Variants in QKI observed in about 807,000 individuals in gnomAD.
QKI encodes the protein QKI, KH domain containing RNA binding.
A neutral mutation model predicts 39.0 loss-of-function variants in QKI; 10 were observed. The ratio of observed to expected loss-of-function variants is 0.26; its 90% CI spans 0.16 to 0.43. The LOEUF (loss-of-function observed/expected upper bound fraction) is 0.43. Ranked by LOEUF, QKI falls within the 20% of genes least tolerant of loss-of-function variation. The pLI, the probability that QKI is intolerant of heterozygous loss-of-function variation, is 1.00. For synonymous variants in QKI, 204 were observed against 155.4 expected (o/e 1.31, Z -2.33); for missense variants, 218 against 428.0 (o/e 0.51, Z 4.33).
chr6:163,569,410 CTT>C, intron 7 of QKI: 1 of 1,265,984 alleles, frequency 7.9e-7, no homozygotes, highest in Non-Finnish European at 1.0e-6. Context: ...CACTGAATAT[CTT>C]TTCATTCACA....
At chr6:163,523,320 G>A (rs895592257) in intron 3 of QKI, among the ~76,000 whole-genome samples, 10 of 152,150 alleles carry the variant, frequency 6.6e-5, no homozygotes, top group South Asian at 2.1e-4. Flanking sequence ...TGGAATGCAC[G>A]AGAAAGCACC....
chr6:163,470,522 GAC>G (rs1452128399), intron 2 of QKI, among the ~76,000 whole-genome samples: 2 of 151,970 alleles, frequency 1.3e-5, no homozygotes, highest in Non-Finnish European at 2.9e-5. Flanking sequence ...TGTATTGTCT[GAC>G]ACACACTAGA....
At chr6:163,569,803 G>A in intron 7 of QKI, 1 of 985,146 alleles carries the variant, frequency 1.0e-6, no homozygotes, top group Non-Finnish European at 1.2e-6. Context: ...ATTGAATAAA[G>A]AAAGCTGTTT....
intron 1 of QKI, among the ~76,000 whole-genome samples, chr6:163,432,392 C>CA (rs1562426792): frequency 6.8e-6 from 1 of 146,708 alleles, no homozygotes; most frequent in Non-Finnish European, 1.5e-5. Context: ...ATTTAAAATC[C>CA]CCCCCCTTTT....
In QKI at chr6:163,572,962, GAATA is replaced by G. The variant is rs1175561046; in HGVS notation, c.*2256_*2259del. ...TGATTTTTATATTGTTTGGTTGGTT[GAATA>G]AATTTGCGACACTCAAACACTTGAG... is the stretch of plus-strand genomic sequence containing the variant. On this transcript the variant is annotated 3_prime_UTR_variant, in exon 8 of 8. Coordinates refer to ENST00000361752, the MANE Select transcript of QKI (RefSeq NM_006775.3). 1.3e-5 allele frequency: 2 copies of G among 152,010 alleles called. No homozygotes were observed. The highest frequency in any genetic ancestry group is 3.9e-4 in the East Asian group (2 of 5,182). The allele number at this position is 152,010 out of a possible 1,614,324, so 9.4% of individuals were successfully genotyped here.
chr6:163,493,375 C>A (rs1162603071), intron 3 of QKI, among the ~76,000 whole-genome samples: 2 of 152,072 alleles, frequency 1.3e-5, no homozygotes, highest in Non-Finnish European at 2.9e-5. Flanking sequence ...GGTGATCCAC[C>A]GCCTCGGCCT....
At chr6:163,420,694 A>T (rs1054900894) in intron 1 of QKI, among the ~76,000 whole-genome samples, 1 of 152,178 alleles carries the variant, frequency 6.6e-6, no homozygotes, top group Non-Finnish European at 1.5e-5. Flanking sequence ...TTTAGGGAAT[A>T]TTTATACCCC....
In QKI at chr6:163,577,304, A is replaced by G. The variant is rs1305873252; in HGVS notation, c.*6594A>G. The G allele has an allele frequency of 6.6e-6, 1 of 152,296 alleles. No homozygotes were observed. The highest frequency in any genetic ancestry group is 1.5e-5 in the Non-Finnish European group (1 of 68,030). 9.4% of individuals were successfully genotyped at this position (152,296 alleles called of 1,614,324 possible). ...TGCAGGATCCATAGCACCGTCGTGC[A>G]GACTAGCAGCCCAAAGGTGTGTTTG... On this transcript the variant is annotated 3_prime_UTR_variant, in exon 8 of 8. Transcript: ENST00000361752.
At chr6:163,458,566 CCTTA>C (rs1410196199) in intron 2 of QKI, among the ~76,000 whole-genome samples, 2 of 152,138 alleles carry the variant, frequency 1.3e-5, no homozygotes, top group Non-Finnish European at 2.9e-5. Context: ...GCACATAGCA[CCTTA>C]CTTACAGAAG....
chr6:163,510,325 G>A (rs1224352919), intron 3 of QKI, among the ~76,000 whole-genome samples: 8 of 151,846 alleles, frequency 5.3e-5, no homozygotes, highest in East Asian at 3.9e-4. Context: ...TTGGGAGGCC[G>A]AGGCAGGTGG....
intron 3 of QKI, among the ~76,000 whole-genome samples, chr6:163,521,698 C>T (rs1583155259): frequency 6.6e-6 from 1 of 151,908 alleles, no homozygotes; most frequent in Admixed American, 6.6e-5. Flanking sequence ...CATTTTTGTA[C>T]TTTTAGTAGA....
intron 3 of QKI, among the ~76,000 whole-genome samples, chr6:163,520,836 A>G (rs1780107912): frequency 6.6e-6 from 1 of 152,196 alleles, no homozygotes; most frequent in South Asian, 2.1e-4. Context: ...TGCTAATCAA[A>G]TTATGATGAA....
At chr6:163,418,373 A>T (rs1178778800) in intron 1 of QKI, among the ~76,000 whole-genome samples, 1 of 152,152 alleles carries the variant, frequency 6.6e-6, no homozygotes, top group East Asian at 1.9e-4. Context: ...TTCCCAGTTG[A>T]TGAAGACTTG....
intron 6 of QKI, chr6:163,566,326 G>C (rs1342541397): frequency 8.4e-7 from 1 of 1,192,434 alleles, no homozygotes; most frequent in East Asian, 5.0e-5. Context: ...ATAAACTCTT[G>C]AAGTGGTCTT....
chr6:163,486,129 A>G (rs1419518801), intron 3 of QKI, among the ~76,000 whole-genome samples: 2 of 151,846 alleles, frequency 1.3e-5, no homozygotes, highest in Non-Finnish European at 2.9e-5. Flanking sequence ...AAAGAGTTAC[A>G]CTCTTCCAAC....
intron 3 of QKI, among the ~76,000 whole-genome samples, chr6:163,505,897 C>T (rs981013455): frequency 5.3e-5 from 8 of 152,064 alleles, no homozygotes; most frequent in Admixed American, 2.0e-4. Flanking sequence ...GGCTCTGTGT[C>T]TCCACCCAAA....
intron 1 of QKI, chr6:163,416,047 T>G: frequency 1.3e-4 from 3 of 23,578 alleles, no homozygotes; most frequent in East Asian, 1.9e-3. Context: ...ACTTCACTTT[T>G]CGGGGGTGGG....
At position 163,574,570 on chromosome 6, in the gene QKI, G is replaced by T. The variant is rs1296992038; in HGVS notation, c.*3860G>T. On this transcript the variant is annotated 3_prime_UTR_variant, in exon 8 of 8. Transcript: ENST00000361752. ...AACATTAAACAAGAAGTTTAAGGGG[G>T]AATAACATTGGGATTTGAAAAGTTG... 1 of 152,114 alleles carries T rather than the reference G, an allele frequency of 6.6e-6. No individual in the cohort carries two copies. The highest frequency in any genetic ancestry group is 1.5e-5 in the Non-Finnish European group (1 of 68,030). The allele number at this position is 152,114 out of a possible 1,614,324, so 9.4% of individuals were successfully genotyped here. A position where few individuals can be genotyped will look rare whatever the true frequency, so the allele number is the denominator to read the frequency against.
chr6:163,557,587 T>TATTC (rs1319509007), intron 4 of QKI, among the ~76,000 whole-genome samples: 2 of 152,128 alleles, frequency 1.3e-5, no homozygotes, highest in Non-Finnish European at 2.9e-5. Context: ...GATAATATAG[T>TATTC]TAGAATGAGT....
Sources: allele counts gnomAD v4.1 joint callset (sites outside exome capture counted in the v4.1 genomes callset), GRCh38; gene constraint gnomAD v4.1.1; transcripts MANE v1.5; gene names NCBI Gene and HGNC (gene_info 2026-07-23, HGNC 2026-07-21).